Variants in TRAM2 observed in about 807,000 individuals in gnomAD.
TRAM2 encodes translocation associated membrane protein 2.
A neutral mutation model predicts 51.0 loss-of-function variants in TRAM2; 12 were observed. The ratio of observed to expected loss-of-function variants is 0.24; its 90% CI spans 0.15 to 0.38. The LOEUF is 0.38. Ranked by LOEUF, TRAM2 falls within the 10% of genes least tolerant of loss-of-function variation. The pLI is 1.00. For missense variants in TRAM2, 361 were observed against 462.0 expected (o/e 0.78, Z 2.00); for synonymous variants, 175 against 179.4 (o/e 0.98, Z 0.20).
rs528999419 is a variant in TRAM2 at position 52,575,146 on chromosome 6, T to A, written c.120+1650A>T. Among the ~76,000 whole-genome samples, 3 of 152,374 alleles carry A rather than the reference T, an allele frequency of 2.0e-5. No individual in the cohort carries two copies. In the South Asian group the frequency reaches 6.2e-4, roughly 32 times the overall value. On this transcript the variant is annotated intron_variant, in intron 1 of 10. Coordinates refer to ENST00000182527, the MANE Select transcript of TRAM2 (RefSeq NM_012288.4). Reference sequence around the variant, plus strand: ...GCTCCAGGCGCAAGAGACTTTTTCATGTTGGTAGGAGATGTTATGGCTTTT... The same window carrying A: ...GCTCCAGGCGCAAGAGACTTTTTCAAGTTGGTAGGAGATGTTATGGCTTTT...
intron 6 of TRAM2, 28 bp downstream of exon 6, chr6:52,508,206 C>G (rs370057965): frequency 6.2e-7 from 1 of 1,609,634 alleles, no homozygotes; most frequent in African/African-American, 1.3e-5. Flanking sequence ...TGAATGGCCT[C>G]CAAGAAGGGA....
rs988927967 is a variant in TRAM2, at chr6:52,507,484, T to C, written c.626+69A>G. 3 of 1,486,104 alleles carry C rather than the reference T, an allele frequency of 2.0e-6. No homozygotes were observed. The African/African-American group carries it at 4.2e-5, about 21-fold the overall frequency. 92.1% of individuals were successfully genotyped at this position (1,486,104 alleles called of 1,614,324 possible). The stretch of plus-strand genomic sequence containing the variant: ...TGTCAACAAATGCCTGATAATTATA[T>C]GAGTGTGTGGACAGATGCATGGACA... On this transcript the variant is annotated intron_variant, in intron 7 of 10. Coordinates refer to ENST00000182527, the MANE Select transcript of TRAM2 (RefSeq NM_012288.4).
At chr6:52,526,170 C>G (rs56302817) in intron 2 of TRAM2, among the ~76,000 whole-genome samples, 22,774 of 78,626 alleles carry the variant, frequency 0.29, 1,805 homozygotes, top group Non-Finnish European at 0.35. Flanking sequence ...CACACACACA[C>G]ACACACACAC....
At position 52,498,933 on chromosome 6, in the gene TRAM2, A is replaced by G. The variant is rs1766147549; in HGVS notation, c.*4264T>C. ...GCAATCTGCTTGGGACAAAAAGTCT[A>G]CAGGGGTTGCCAAGCACGAAAGGCT... On this transcript the variant is annotated 3_prime_UTR_variant, in exon 11 of 11. Coordinates refer to ENST00000182527, the MANE Select transcript of TRAM2 (RefSeq NM_012288.4). 1 of 152,484 alleles carries G rather than the reference A, an allele frequency of 6.6e-6. No homozygotes were observed. The highest frequency in any genetic ancestry group is 1.5e-5 in the Non-Finnish European group (1 of 68,036). The allele number at this position is 152,484 out of a possible 1,614,324, so 9.4% of individuals were successfully genotyped here.
At chr6:52,506,359 C>T (rs1345638618) in intron 7 of TRAM2, among the ~76,000 whole-genome samples, 1 of 152,146 alleles carries the variant, frequency 6.6e-6, no homozygotes, top group Non-Finnish European at 1.5e-5. Flanking sequence ...TGTCCTGTCT[C>T]AGTCAGATGC....
At chr6:52,539,486 G>A (rs1767039238) in intron 1 of TRAM2, among the ~76,000 whole-genome samples, 1 of 152,018 alleles carries the variant, frequency 6.6e-6, no homozygotes, top group Non-Finnish European at 1.5e-5. Flanking sequence ...AGCACCATGA[G>A]GGCCAAGATT....
chr6:52,525,010 C>T (rs1344152392), intron 2 of TRAM2: 1 of 152,258 alleles, frequency 6.6e-6, no homozygotes, highest in African/African-American at 2.4e-5. Flanking sequence ...CTTGCTCTAT[C>T]CATGCATGAT....
intron 1 of TRAM2, among the ~76,000 whole-genome samples, chr6:52,568,341 A>T (rs1767624165): frequency 2.0e-5 from 3 of 152,232 alleles, no homozygotes; most frequent in Admixed American, 6.5e-5. Flanking sequence ...CACAAAATCC[A>T]TACAAACAAG....
At position 52,576,978 on chromosome 6, in the gene TRAM2, T is replaced by C. The variant is rs1767781217; in HGVS notation, c.-63A>G. On this transcript the variant is annotated 5_prime_UTR_variant, in exon 1 of 11. Coordinates refer to ENST00000182527, the MANE Select transcript of TRAM2 (RefSeq NM_012288.4). ...TGCGCTCACGAACCGCAGCGCAAACTTCTCCAGCACCGGCCCGGTCCGCCC... is the reference window on the plus strand; with the variant it reads ...TGCGCTCACGAACCGCAGCGCAAACCTCTCCAGCACCGGCCCGGTCCGCCC... The C allele has an allele frequency of 2.4e-5, 37 of 1,510,724 alleles. 1 individual carries two copies. In the South Asian group the frequency reaches 4.3e-4, roughly 17 times the overall value. 93.6% of individuals were successfully genotyped at this position (1,510,724 alleles called of 1,614,324 possible).
In TRAM2 at chr6:52,535,922, C is replaced by T. The variant is rs577279380; in HGVS notation, c.121-76G>A. On this transcript the variant is annotated intron_variant, in intron 1 of 10. Coordinates refer to ENST00000182527, the MANE Select transcript of TRAM2 (RefSeq NM_012288.4). ...GAAACAAGTGGAAGCTGCTAACCGC[C>T]CCTTTTACATCTTAGACCCTCAAAC... The T allele has an allele frequency of 8.1e-5, 102 of 1,261,292 alleles. No individual in the cohort carries two copies. In the East Asian group the frequency reaches 2.2e-3, roughly 28 times the overall value. 78.1% of individuals were successfully genotyped at this position (1,261,292 alleles called of 1,614,324 possible).
rs935023555 is a variant in TRAM2, at chr6:52,497,725, T to G, written c.*5472A>C. ...TCAGTTGCTCAGGGCACCAGCAGCC[T>G]TAGTTCATCCTTCAGATGTTTTTTT... On this transcript the variant is annotated 3_prime_UTR_variant, in exon 11 of 11. Coordinates refer to ENST00000182527, the MANE Select transcript of TRAM2 (RefSeq NM_012288.4). 2 of 152,626 alleles carry G rather than the reference T, an allele frequency of 1.3e-5. No homozygotes were observed. Among genetic ancestry groups the G allele is most frequent in the Non-Finnish European group, 2.9e-5 (2 of 68,048 alleles). The allele number at this position is 152,626 out of a possible 1,614,324, so 9.5% of individuals were successfully genotyped here.
chr6:52,508,155 A>G (rs1357160119), intron 6 of TRAM2, 79 bp downstream of exon 6: 5 of 1,338,918 alleles, frequency 3.7e-6, no homozygotes, highest in Middle Eastern at 1.9e-4. Flanking sequence ...GGAGAAAAGG[A>G]AGGGAGGTAC....
intron 1 of TRAM2, among the ~76,000 whole-genome samples, chr6:52,540,002 T>C (rs749043481): frequency 2.0e-5 from 3 of 151,936 alleles, no homozygotes; most frequent in Non-Finnish European, 4.4e-5. Context: ...TCTACGGCCA[T>C]AATCATGACA....
At chr6:52,545,556 T>C (rs981342960) in intron 1 of TRAM2, among the ~76,000 whole-genome samples, 14 of 151,990 alleles carry the variant, frequency 9.2e-5, no homozygotes, top group Non-Finnish European at 1.9e-4. Context: ...AGGGGAGGAA[T>C]TGGGAGCATG....
At chr6:52,566,303 T>A (rs746585617) in intron 1 of TRAM2, among the ~76,000 whole-genome samples, 2 of 152,064 alleles carry the variant, frequency 1.3e-5, no homozygotes, top group Admixed American at 1.3e-4. Context: ...ATGAAACATA[T>A]GAGAAAGAGA....
At chr6:52,535,512 C>T (rs1319758400) in intron 2 of TRAM2, among the ~76,000 whole-genome samples, 1 of 152,146 alleles carries the variant, frequency 6.6e-6, no homozygotes, top group East Asian at 1.9e-4. Flanking sequence ...GAAATTCCTT[C>T]ACTACTAAGA....
At chr6:52,535,749 G>T in intron 2 of TRAM2, 34 bp downstream of exon 2, 1 of 1,591,716 alleles carries the variant, frequency 6.3e-7, no homozygotes, top group Non-Finnish European at 8.6e-7. Context: ...AGGGTTAACA[G>T]GGCCAGGAGA....
At chr6:52,561,015 C>T (rs1406600548) in intron 1 of TRAM2, among the ~76,000 whole-genome samples, 2 of 152,168 alleles carry the variant, frequency 1.3e-5, no homozygotes, top group Admixed American at 6.5e-5. Flanking sequence ...AATGCATAAA[C>T]AAAATGCACT....
chr6:52,566,940 C>T (rs972276431), intron 1 of TRAM2, among the ~76,000 whole-genome samples: 2 of 152,238 alleles, frequency 1.3e-5, no homozygotes, highest in Non-Finnish European at 2.9e-5. Context: ...CATCAAGTGA[C>T]TGTACTTGCC....
Sources: gnomAD v4.1 joint callset for allele counts (sites outside exome capture counted in the v4.1 genomes callset) on GRCh38, gnomAD v4.1.1 for gene constraint, MANE v1.5 for transcripts, NCBI Gene and HGNC (gene_info 2026-07-23, HGNC 2026-07-21) for gene names.